IL16: variants seen among roughly 807,000 people sequenced by gnomAD.
IL16 encodes pro-interleukin-16.
In IL16, 67 loss-of-function variants were observed where a neutral mutation model predicts 110.1. The ratio of observed to expected loss-of-function variants is 0.61; its 90% CI spans 0.50 to 0.75. The LOEUF (loss-of-function observed/expected upper bound fraction) is 0.75. Ranked by LOEUF, IL16 falls within the 30% of genes least tolerant of loss-of-function variation. The pLI, the probability that IL16 is intolerant of heterozygous loss-of-function variation, is 0.00. For missense variants in IL16, 1,545 were observed against 1,655.0 expected (o/e 0.93, Z 1.15); for synonymous variants, 689 against 662.9 (o/e 1.04, Z -0.61).
chr15:81,219,796 A>G (rs1896553507), intron 1 of IL16, among the ~76,000 whole-genome samples: 1 of 152,152 alleles, frequency 6.6e-6, no homozygotes, highest in South Asian at 2.1e-4. Context: ...CCTTGAGAAC[A>G]CTTCACATGA....
chr15:81,254,783 C>A (rs932773545), intron 2 of IL16, among the ~76,000 whole-genome samples: 7 of 152,170 alleles, frequency 4.6e-5, no homozygotes, highest in African/African-American at 1.7e-4. Context: ...GGGGCTCCTA[C>A]AGAGAATCCT....
At chr15:81,256,132 A>C (rs1159808133) in intron 2 of IL16, among the ~76,000 whole-genome samples, 1 of 152,208 alleles carries the variant, frequency 6.6e-6, no homozygotes, top group Non-Finnish European at 1.5e-5. Context: ...TACTTGGAAC[A>C]GTGCCTGGTA....
chr15:81,235,368 G>T (rs760071743), intron 2 of IL16, among the ~76,000 whole-genome samples: 7 of 152,190 alleles, frequency 4.6e-5, no homozygotes, highest in Non-Finnish European at 8.8e-5. Flanking sequence ...AGAGGGAACA[G>T]TTGTGTCACA....
At chr15:81,189,882 T>C (rs529298546) in intron 1 of IL16, among the ~76,000 whole-genome samples, 100 of 152,320 alleles carry the variant, frequency 6.6e-4, no homozygotes, top group African/African-American at 2.4e-3. Context: ...AGTAGGGATT[T>C]CTTAATCTTT....
Position 81,303,313 on chromosome 15 carries a change from G to C in IL16, c.3319-236G>C, listed in dbSNP as rs1432209087. On this transcript the variant is annotated intron_variant, in intron 15 of 18. Coordinates refer to ENST00000683961, the MANE Select transcript of IL16 (RefSeq NM_172217.5). This position sits in a 1 kb window ranked among gnomAD's most constrained non-coding sequence, Gnocchi z 4.1. ...CCGGCTGTGGACAGGGTGAATGAGA[G>C]AGGAAAATAATTATGCTTGCTGCTT... 10 of 491,586 alleles carry C rather than the reference G, an allele frequency of 2.0e-5. No homozygotes were observed. In the East Asian group the frequency reaches 3.6e-4, roughly 18 times the overall value. 30.5% of individuals were successfully genotyped at this position (491,586 alleles called of 1,614,324 possible). A position where few individuals can be genotyped will look rare whatever the true frequency, so the allele number is the denominator to read the frequency against.
At chr15:81,235,906 T>C (rs1897162604) in intron 2 of IL16, among the ~76,000 whole-genome samples, 1 of 152,056 alleles carries the variant, frequency 6.6e-6, no homozygotes, top group Admixed American at 6.5e-5. Flanking sequence ...GGCATTCCCA[T>C]TGGGTGGGAT....
intron 1 of IL16, among the ~76,000 whole-genome samples, chr15:81,201,198 T>C (rs1028817051): frequency 6.6e-6 from 1 of 151,748 alleles, no homozygotes; most frequent in Admixed American, 6.6e-5. Flanking sequence ...GAGAAATATA[T>C]CTAAAAATAA....
intron 2 of IL16, among the ~76,000 whole-genome samples, chr15:81,243,261 C>T (rs1340173586): frequency 7.5e-6 from 1 of 134,174 alleles, no homozygotes; most frequent in Non-Finnish European, 1.5e-5. Flanking sequence ...CTGCAGTCTT[C>T]ACCTCTCAGG....
At chr15:81,271,395 T>C (rs1898634011) in intron 5 of IL16, among the ~76,000 whole-genome samples, 1 of 151,980 alleles carries the variant, frequency 6.6e-6, no homozygotes, top group African/African-American at 2.4e-5. Context: ...ATTGCTTGAG[T>C]CCGGGAATTT....
chr15:81,253,558 C>T (rs528481767), intron 2 of IL16, among the ~76,000 whole-genome samples: 12 of 152,244 alleles, frequency 7.9e-5, no homozygotes, highest in African/African-American at 2.9e-4. Flanking sequence ...CCAAGATTTA[C>T]TCCTATATTT....
At chr15:81,306,286 A>G (rs1900554839) in intron 17 of IL16, 120 bp downstream of exon 17, 2 of 1,521,814 alleles carry the variant, frequency 1.3e-6, no homozygotes, top group East Asian at 2.3e-5. Context: ...TGCCTAGTAC[A>G]CTGCCTGAGA....
intron 1 of IL16, among the ~76,000 whole-genome samples, chr15:81,207,015 C>G (rs538695176): frequency 6.6e-6 from 1 of 151,808 alleles, no homozygotes; most frequent in Non-Finnish European, 1.5e-5. Flanking sequence ...AGGTGGATCA[C>G]GAGGTCAGGA....
intron 1 of IL16, among the ~76,000 whole-genome samples, chr15:81,197,830 T>A (rs555774284): frequency 6.6e-6 from 1 of 152,208 alleles, no homozygotes; most frequent in Admixed American, 6.5e-5. Flanking sequence ...CAGGGAAGCA[T>A]CTTCTCCTCC....
chr15:81,280,203 CT>C (rs1207209958), intron 8 of IL16, among the ~76,000 whole-genome samples: 2 of 152,190 alleles, frequency 1.3e-5, no homozygotes, highest in East Asian at 3.9e-4. Context: ...CAGCCATTCC[CT>C]TTGCCACCCC....
chr15:81,261,348 A>AGCTCCCTG (rs1555419432), intron 3 of IL16, among the ~76,000 whole-genome samples: 2 of 152,182 alleles, frequency 1.3e-5, no homozygotes, highest in African/African-American at 2.4e-5. Context: ...AACCCCGCAG[A>AGCTCCCTG]GCTCCCTGGC....
chr15:81,276,330 G>T (rs181559313), intron 6 of IL16, among the ~76,000 whole-genome samples: 2 of 152,334 alleles, frequency 1.3e-5, no homozygotes, highest in Non-Finnish European at 2.9e-5. Flanking sequence ...ATGCCCAGCT[G>T]CTAAGAAACA....
rs1213182290 is a variant in IL16, at chr15:81,292,566, G to C, written c.1431G>C (p.Arg477Ser). The change falls in exon 12 of 19, where the codon AGG becomes AGC. Residue 477 changes from arginine to serine, a missense_variant. Around this residue, in one of 3 missense-constraint regions of IL16, gnomAD observed 1,185 missense variants for 1,238.8 expected, o/e 0.96. Coordinates refer to ENST00000683961, the MANE Select transcript of IL16 (RefSeq NM_172217.5). ...GTGCTTCCCACACAGGTGTCAAAAG[G>C]CTGGAAAGCAGTTGGCACGGGCGGC... ...RHQWSLEGVKRLESSWHGRPT... is the reference protein window; with the variant it reads ...RHQWSLEGVKSLESSWHGRPT... The C allele has an allele frequency of 6.2e-7, 1 of 1,606,084 alleles. No homozygotes were observed. Among genetic ancestry groups the C allele is most frequent in the Admixed American group, 1.7e-5 (1 of 59,764 alleles).
intron 1 of IL16, among the ~76,000 whole-genome samples, chr15:81,200,692 T>A (rs2141952393): frequency 6.6e-6 from 1 of 152,294 alleles, no homozygotes; most frequent in Non-Finnish European, 1.5e-5. Flanking sequence ...TTTAAAAGTT[T>A]CATAAATAGT....
At chr15:81,289,667 A>T (rs370646415) in intron 10 of IL16, among the ~76,000 whole-genome samples, 1 of 152,124 alleles carries the variant, frequency 6.6e-6, no homozygotes, top group Non-Finnish European at 1.5e-5. Flanking sequence ...GGAGTTCTTT[A>T]TATAATCTGC....
Sources: allele counts gnomAD v4.1 joint callset (sites outside exome capture counted in the v4.1 genomes callset), GRCh38; gene constraint gnomAD v4.1.1; regional missense constraint gnomAD v4.1.1; non-coding constraint Gnocchi (gnomAD v3.1); transcripts MANE v1.5; gene names NCBI Gene and HGNC (gene_info 2026-07-23, HGNC 2026-07-21).